ECT2: variants seen among roughly 807,000 people sequenced by gnomAD.
ECT2 encodes the protein epithelial cell transforming 2.
ECT2 carries 61 observed loss-of-function variants against 116.9 expected under a neutral mutation model. The observed-to-expected ratio is 0.52, with a 90% confidence interval of 0.42 to 0.65. ECT2 has a LOEUF of 0.65. ECT2 is among the 30% of genes least tolerant of loss of function. ECT2 has a pLI of 0.00. For synonymous variants in ECT2, 358 were observed against 346.4 expected (o/e 1.03, Z -0.37); for missense variants, 937 against 1,078.7 (o/e 0.87, Z 1.84).
chr3:172,772,499 A>C (rs907905493), intron 13 of ECT2, among the ~76,000 whole-genome samples: 2 of 152,154 alleles, frequency 1.3e-5, no homozygotes, highest in Non-Finnish European at 2.9e-5. Context: ...CCCGGCCGAG[A>C]ATTCTTTATA....
chr3:172,823,514 A>G (rs1730770643), downstream of ECT2, among the ~76,000 whole-genome samples: 1 of 152,162 alleles, frequency 6.6e-6, no homozygotes, highest in Non-Finnish European at 1.5e-5. Flanking sequence ...TTGTGAATAT[A>G]AAAATGACTG....
intron 18 of ECT2, 127 bp downstream of exon 18, chr3:172,786,701 T>C (rs1385704979): frequency 1.6e-6 from 1 of 621,106 alleles, no homozygotes; most frequent in African/African-American, 1.8e-5. Flanking sequence ...ATTTTTCTAA[T>C]AGTGTAGTTA....
At chr3:172,802,362 C>G (rs111884079) in intron 18 of ECT2, among the ~76,000 whole-genome samples, 4,818 of 152,302 alleles carry the variant, frequency 0.032, 162 homozygotes, top group East Asian at 0.16. Context: ...ATCCACCCAC[C>G]TTGGCCTCCC....
At chr3:172,783,654 G>C (rs1576938439) in intron 15 of ECT2, 145 bp from the exon 16 acceptor site, 6 of 563,766 alleles carry the variant, frequency 1.1e-5, no homozygotes, top group Non-Finnish European at 1.9e-5. Context: ...TATAAAATAA[G>C]TTTGTTCTCA....
chr3:172,816,739 A>G lies in ECT2; in HGVS notation c.2557A>G (p.Arg853Gly). Residue 853 changes from arginine (R) to glycine (G), a missense_variant, in exon 24 of 25, where the codon AGG becomes GGG. Arg to Gly is a moderately radical substitution (Grantham distance 125). Coordinates refer to ENST00000392692, the MANE Select transcript of ECT2 (RefSeq NM_001258315.2). ...CAAAACTCCAAAAAGAGCTCTTCGAAGGGCTCTTATGACATCCCACGGCTC... is the reference window on the plus strand; with the variant it reads ...CAAAACTCCAAAAAGAGCTCTTCGAGGGGCTCTTATGACATCCCACGGCTC... Reference protein sequence around the residue: ...FSKTPKRALRRALMTSHGSVE... With the variant: ...FSKTPKRALRGALMTSHGSVE... 1 of 1,608,332 alleles carries G rather than the reference A, an allele frequency of 6.2e-7. No homozygotes were observed. Among genetic ancestry groups the G allele is most frequent in the Non-Finnish European group, 8.5e-7 (1 of 1,176,146 alleles).
At chr3:172,808,274 C>T in intron 22 of ECT2, among the ~76,000 whole-genome samples, 1 of 151,724 alleles carries the variant, frequency 6.6e-6, no homozygotes, top group East Asian at 1.9e-4. Context: ...TGGGGTTTCA[C>T]TGTGTTGCCC....
At chr3:172,803,544 G>T (rs1237162099) in intron 20 of ECT2, among the ~76,000 whole-genome samples, 1 of 152,134 alleles carries the variant, frequency 6.6e-6, no homozygotes, top group Non-Finnish European at 1.5e-5. Flanking sequence ...TGAATTACAT[G>T]TGTGTGTTTT....
the ECT2 span, chr3:172,829,017 C>A: frequency 1.1e-6 from 1 of 887,576 alleles, no homozygotes; most frequent in African/African-American, 1.6e-5. Flanking sequence ...TCTGGAACTC[C>A]TGTCTGGCCA....
At chr3:172,760,879 C>T (rs1032622341) in intron 7 of ECT2, among the ~76,000 whole-genome samples, 1 of 151,730 alleles carries the variant, frequency 6.6e-6, no homozygotes, top group African/African-American at 2.4e-5. Flanking sequence ...CACCACCATG[C>T]CCGGCTAATT....
At chr3:172,797,860 T>G (rs977014009) in intron 18 of ECT2, among the ~76,000 whole-genome samples, 3 of 152,238 alleles carry the variant, frequency 2.0e-5, no homozygotes, top group Non-Finnish European at 4.4e-5. Flanking sequence ...CTTTTTTGTT[T>G]GTTTTTATCC....
rs1726587084 is a variant in ECT2 at position 172,800,874 on chromosome 3, C to G, written c.1908-1742C>G. On this transcript the variant is annotated intron_variant, in intron 18 of 24. Coordinates refer to ENST00000392692, the MANE Select transcript of ECT2 (RefSeq NM_001258315.2). The stretch of plus-strand genomic sequence containing the variant: ...TACAAGAAAATCTTGAAGAACAGTT[C>G]ATGTGCAGAACAGTTACAGATACAA... 1.3e-5 allele frequency among the ~76,000 whole-genome samples: 2 copies of G among 152,262 alleles called. 1 individual carries two copies. The highest frequency in any genetic ancestry group is 4.1e-4 in the South Asian group (2 of 4,826).
chr3:172,805,652 T>G (rs1727543619), intron 20 of ECT2, 79 bp from the exon 21 acceptor site: 3 of 1,326,240 alleles, frequency 2.3e-6, no homozygotes, highest in Non-Finnish European at 3.1e-6. Context: ...TTTATGTGAT[T>G]AGTGCTATTT....
rs183818946 is a variant in ECT2, at chr3:172,813,684, G to A, written c.2401-1920G>A. 2.7e-3 allele frequency among the ~76,000 whole-genome samples: 407 copies of A among 151,662 alleles called. 2 individuals carry two copies. The highest frequency in any genetic ancestry group is 9.2e-3 in the African/African-American group (382 of 41,372). On this transcript the variant is annotated intron_variant, in intron 22 of 24. Coordinates refer to ENST00000392692, the MANE Select transcript of ECT2 (RefSeq NM_001258315.2). ...GCAATATCACCACCATCTGTTTTTC[G>A]AGCTTTTTCATCTTCCTAAACTGGA...
chr3:172,777,208 G>A (rs1559968934), intron 14 of ECT2, among the ~76,000 whole-genome samples: 1 of 152,130 alleles, frequency 6.6e-6, no homozygotes, highest in Non-Finnish European at 1.5e-5. Flanking sequence ...GTGACTTTAA[G>A]TGCTTCAGTT....
At chr3:172,754,749 A>T in intron 2 of ECT2, 89 bp downstream of exon 2, 1 of 981,676 alleles carries the variant, frequency 1.0e-6, no homozygotes, top group South Asian at 1.9e-5. Flanking sequence ...TTTAATACCA[A>T]CTGTAATGCT....
chr3:172,755,967 T>A (rs78417910), intron 4 of ECT2, among the ~76,000 whole-genome samples: 1,570 of 152,320 alleles, frequency 0.01, 33 homozygotes, highest in African/African-American at 0.035. Flanking sequence ...TTAAGGTGTG[T>A]GTAGGTTTAG....
intron 2 of ECT2, 58 bp downstream of exon 2, chr3:172,754,718 G>C: frequency 7.4e-7 from 1 of 1,348,194 alleles, no homozygotes; most frequent in Non-Finnish European, 1.0e-6. Flanking sequence ...AAACTTATTA[G>C]TGACTTTCTT....
intron 18 of ECT2, among the ~76,000 whole-genome samples, chr3:172,789,768 C>T (rs1223547097): frequency 6.6e-6 from 1 of 152,154 alleles, no homozygotes; most frequent in East Asian, 1.9e-4. Flanking sequence ...ACTTTCTTTG[C>T]TTATATGTAA....
chr3:172,781,709 T>C (rs904052382), intron 14 of ECT2, among the ~76,000 whole-genome samples: 3 of 152,180 alleles, frequency 2.0e-5, no homozygotes, highest in African/African-American at 7.2e-5. Context: ...AGAAGTTTTA[T>C]TGGAACACAG....
Sources: gnomAD v4.1 joint callset for allele counts (sites outside exome capture counted in the v4.1 genomes callset) on GRCh38, gnomAD v4.1.1 for gene constraint, MANE v1.5 for transcripts, NCBI Gene and HGNC (gene_info 2026-07-23, HGNC 2026-07-21) for gene names.